STXBP6: variants seen among roughly 807,000 people sequenced by gnomAD.
The protein encoded by STXBP6 is syntaxin binding protein 6, also known as syntaxin-binding protein 6.
STXBP6 carries 21 observed loss-of-function variants against 26.9 expected under a neutral mutation model. The observed-to-expected ratio is 0.78, with a 90% CI of 0.55 to 1.12. The LOEUF is 1.12. STXBP6 is among the 50% of genes most tolerant of loss of function. The pLI, the probability that STXBP6 is intolerant of heterozygous loss-of-function variation, is 0.00. For missense variants in STXBP6, 232 were observed against 257.9 expected (o/e 0.90, Z 0.69); for synonymous variants, 97 against 92.6 (o/e 1.05, Z -0.27).
intron 2 of STXBP6, among the ~76,000 whole-genome samples, chr14:24,898,059 A>G (rs1344586693): frequency 6.6e-6 from 1 of 152,230 alleles, no homozygotes; most frequent in Non-Finnish European, 1.5e-5. Context: ...TTTAGCAATC[A>G]GAGCTGCTGA....
chr14:25,009,690 C>T (rs546164251), intron 1 of STXBP6, among the ~76,000 whole-genome samples: 1 of 152,272 alleles, frequency 6.6e-6, no homozygotes, highest in African/African-American at 2.4e-5. Flanking sequence ...GTTTCTGTTA[C>T]AGGGCATCAA....
intron 2 of STXBP6, among the ~76,000 whole-genome samples, chr14:24,934,085 C>A (rs779254412): frequency 6.6e-6 from 1 of 151,966 alleles, no homozygotes; most frequent in Non-Finnish European, 1.5e-5. Context: ...AAGATGATCC[C>A]ACAAAAGATA....
chr14:25,032,233 T>A (rs10143606), intron 1 of STXBP6, among the ~76,000 whole-genome samples: 72,905 of 151,948 alleles, frequency 0.48, 19,101 homozygotes, highest in African/African-American at 0.71. Flanking sequence ...TCCCCAGGAC[T>A]ATCACCACAC....
chr14:24,897,932 T>C (rs1030254865), intron 2 of STXBP6, among the ~76,000 whole-genome samples: 1 of 152,172 alleles, frequency 6.6e-6, no homozygotes, highest in Non-Finnish European at 1.5e-5. Context: ...CCCCTGAGTG[T>C]AAATAAACAA....
chr14:24,890,128 T>G (rs1042676582), intron 2 of STXBP6, among the ~76,000 whole-genome samples: 2 of 152,270 alleles, frequency 1.3e-5, no homozygotes, highest in African/African-American at 4.8e-5. Flanking sequence ...ACAAGCAGTC[T>G]GCTTCTTGAC....
intron 2 of STXBP6, among the ~76,000 whole-genome samples, chr14:24,877,111 G>A (rs11158951): frequency 0.12 from 18,978 of 152,118 alleles, 1,544 homozygotes; most frequent in South Asian, 0.23. Context: ...TTAATATAGC[G>A]TGGTTAAACA....
At chr14:25,008,284 G>A (rs890423410) in intron 1 of STXBP6, among the ~76,000 whole-genome samples, 1 of 152,132 alleles carries the variant, frequency 6.6e-6, no homozygotes, top group South Asian at 2.1e-4. Context: ...TGGGAGGATC[G>A]CTTGAGTCCA....
At chr14:24,875,134 G>A (rs557791647) in intron 2 of STXBP6, among the ~76,000 whole-genome samples, 1 of 152,182 alleles carries the variant, frequency 6.6e-6, no homozygotes, top group South Asian at 2.1e-4. Context: ...CCTGGACCGG[G>A]AGTCAGGAGG....
At chr14:24,936,600 G>A (rs1217289446) in intron 2 of STXBP6, among the ~76,000 whole-genome samples, 1 of 152,160 alleles carries the variant, frequency 6.6e-6, no homozygotes, top group Non-Finnish European at 1.5e-5. Flanking sequence ...TATTATTTGT[G>A]TAACAGTAAA....
At chr14:24,845,120 T>TC (rs2068915441) in intron 4 of STXBP6, among the ~76,000 whole-genome samples, 1 of 151,876 alleles carries the variant, frequency 6.6e-6, no homozygotes, top group African/African-American at 2.4e-5. Flanking sequence ...CAAGCGATTC[T>TC]CCTGCCTCAG....
intron 5 of STXBP6, among the ~76,000 whole-genome samples, chr14:24,818,470 C>T (rs770164224): frequency 9.9e-5 from 15 of 152,236 alleles, no homozygotes; most frequent in Non-Finnish European, 2.1e-4. Flanking sequence ...AGCGCTGGTC[C>T]GGTCAAGCTC....
chr14:24,961,390 C>T (rs1297781783), intron 2 of STXBP6, among the ~76,000 whole-genome samples: 1 of 150,562 alleles, frequency 6.6e-6, no homozygotes, highest in Non-Finnish European at 1.5e-5. Context: ...ATATAACAAA[C>T]ATGCATGAAC....
intron 4 of STXBP6, among the ~76,000 whole-genome samples, chr14:24,844,536 TA>T: frequency 6.6e-6 from 1 of 152,278 alleles, no homozygotes; most frequent in Non-Finnish European, 1.5e-5. Context: ...AGAACTGGAT[TA>T]AATTGTAGGG....
At chr14:24,889,258 G>A (rs913704105) in intron 2 of STXBP6, among the ~76,000 whole-genome samples, 3 of 151,056 alleles carry the variant, frequency 2.0e-5, no homozygotes, top group Admixed American at 6.6e-5. Flanking sequence ...AAGCAACCAG[G>A]AATATACAGG....
intron 5 of STXBP6, among the ~76,000 whole-genome samples, chr14:24,814,894 C>T (rs2067926972): frequency 6.6e-6 from 1 of 152,200 alleles, no homozygotes; most frequent in Non-Finnish European, 1.5e-5. Context: ...CTTCACCAGA[C>T]ACAGGATTTG....
At chr14:24,859,890 CT>C (rs1186785987) in intron 2 of STXBP6, among the ~76,000 whole-genome samples, 1 of 152,186 alleles carries the variant, frequency 6.6e-6, no homozygotes, top group Non-Finnish European at 1.5e-5. Context: ...GCTTCCTGCA[CT>C]GGTATCAGAG....
intron 4 of STXBP6, among the ~76,000 whole-genome samples, chr14:24,832,901 T>C (rs988248595): frequency 3.9e-5 from 6 of 152,210 alleles, no homozygotes; most frequent in South Asian, 2.1e-4. Flanking sequence ...CCAGAAATGA[T>C]GCTAAATACT....
At position 24,900,999 on chromosome 14, in the gene STXBP6, C is replaced by T. The variant is rs535337904; in HGVS notation, c.155-43842G>A. Reference sequence around the variant, plus strand: ...TGCTTGTAGCAGCACAAACTGTTACCGCTGGACAGACTAAGTCATGAAATT... The same window carrying T: ...TGCTTGTAGCAGCACAAACTGTTACTGCTGGACAGACTAAGTCATGAAATT... On this transcript the variant is annotated intron_variant, in intron 2 of 5. Transcript: ENST00000323944. 3.3e-5 allele frequency among the ~76,000 whole-genome samples: 5 copies of T among 152,158 alleles called. No individual in the cohort carries two copies. In the East Asian group the frequency reaches 5.8e-4, roughly 18 times the overall value.
chr14:25,012,150 G>A, intron 1 of STXBP6, among the ~76,000 whole-genome samples: 1 of 151,978 alleles, frequency 6.6e-6, no homozygotes, highest in East Asian at 1.9e-4. Context: ...CACAAAAATG[G>A]AGTTAAAAAA....
Sources: allele counts gnomAD v4.1 joint callset (sites outside exome capture counted in the v4.1 genomes callset), GRCh38; gene constraint gnomAD v4.1.1; transcripts MANE v1.5; gene names NCBI Gene and HGNC (gene_info 2026-07-23, HGNC 2026-07-21).